SCHIP1: variants seen among roughly 807,000 people sequenced by gnomAD.
SCHIP1 encodes schwannomin interacting protein 1, also known as schwannomin-interacting protein 1.
A neutral mutation model predicts 29.7 loss-of-function variants in SCHIP1; 8 were observed. That is an observed-to-expected ratio of 0.27 (90% CI 0.16 to 0.49). The LOEUF (loss-of-function observed/expected upper bound fraction) is 0.49. Ranked by LOEUF, SCHIP1 falls within the 20% of genes least tolerant of loss-of-function variation. The probability of loss-of-function intolerance (pLI) is 0.99; values close to 1 mark genes in which losing one functional copy is unlikely to be tolerated. For synonymous variants in SCHIP1, 76 were observed against 94.9 expected (o/e 0.80, Z 1.16); for missense variants, 193 against 294.6 (o/e 0.66, Z 2.52).
the SCHIP1 span, chr3:159,721,925 G>T: frequency 2.4e-6 from 1 of 424,118 alleles, no homozygotes. Flanking sequence ...AAACACAAAT[G>T]TTTTCTTGAA....
intron 1 of SCHIP1, chr3:159,853,083 A>T: frequency 3.5e-6 from 1 of 282,730 alleles, no homozygotes; most frequent in Non-Finnish European, 6.6e-6. Flanking sequence ...GGGATCATTC[A>T]GGGGAAGGTG....
the SCHIP1 span, among the ~76,000 whole-genome samples, chr3:159,423,760 G>C: frequency 0.39 from 59,175 of 151,848 alleles, 12,486 homozygotes; most frequent in Non-Finnish European, 0.48. Context: ...GCCTCCTCAA[G>C]TGGGTCCCTG....
At chr3:159,505,115 G>T in the SCHIP1 span, among the ~76,000 whole-genome samples, 1 of 152,208 alleles carries the variant, frequency 6.6e-6, no homozygotes, top group African/African-American at 2.4e-5. Context: ...CTGGGGTTCA[G>T]ACAGCCAGAT....
At chr3:159,869,103 C>G (rs1436377161) in intron 2 of SCHIP1, among the ~76,000 whole-genome samples, 1 of 151,982 alleles carries the variant, frequency 6.6e-6, no homozygotes, top group Non-Finnish European at 1.5e-5. Flanking sequence ...TTATGCTTTT[C>G]TCATCAACTT....
the SCHIP1 span, among the ~76,000 whole-genome samples, chr3:159,443,275 G>A: frequency 2.8e-4 from 42 of 152,284 alleles, no homozygotes; most frequent in African/African-American, 9.9e-4. Flanking sequence ...TCTATCTTCA[G>A]CTGAGATTCT....
chr3:159,683,359 T>G, the SCHIP1 span, among the ~76,000 whole-genome samples: 1 of 152,204 alleles, frequency 6.6e-6, no homozygotes, highest in African/African-American at 2.4e-5. Flanking sequence ...CCCAGGAATC[T>G]GCATTTTAAA....
At chr3:159,590,567 C>T in the SCHIP1 span, among the ~76,000 whole-genome samples, 21 of 143,598 alleles carry the variant, frequency 1.5e-4, no homozygotes, top group African/African-American at 6.0e-4. Context: ...CAAAGCGAGA[C>T]ACCATCTTGA....
At chr3:159,550,699 C>T in the SCHIP1 span, among the ~76,000 whole-genome samples, 1 of 151,972 alleles carries the variant, frequency 6.6e-6, no homozygotes, top group Non-Finnish European at 1.5e-5. Context: ...GATTGGCATA[C>T]TAAGGCAAAA....
chr3:159,560,595 A>T, the SCHIP1 span, among the ~76,000 whole-genome samples: 1 of 151,636 alleles, frequency 6.6e-6, no homozygotes, highest in South Asian at 2.1e-4. Context: ...GCCCCTCCCC[A>T]TGTCTCTTTT....
the SCHIP1 span, among the ~76,000 whole-genome samples, chr3:159,730,409 C>T: frequency 6.6e-6 from 1 of 152,276 alleles, no homozygotes; most frequent in South Asian, 2.1e-4. Context: ...CTGCATAAAG[C>T]TTTTAGAGCA....
At chr3:159,687,803 A>G in the SCHIP1 span, among the ~76,000 whole-genome samples, 2 of 152,058 alleles carry the variant, frequency 1.3e-5, no homozygotes, top group Admixed American at 1.3e-4. Flanking sequence ...TCCTGTGCCC[A>G]TATGTCCTCA....
chr3:159,423,108 T>C, the SCHIP1 span, among the ~76,000 whole-genome samples: 3 of 152,230 alleles, frequency 2.0e-5, no homozygotes, highest in Non-Finnish European at 4.4e-5. Context: ...AGCTCCAGTC[T>C]ACAGCTCCCA....
chr3:159,621,858 G>C, the SCHIP1 span, among the ~76,000 whole-genome samples: 12 of 152,202 alleles, frequency 7.9e-5, no homozygotes, highest in African/African-American at 2.9e-4. Flanking sequence ...TAGAGACGGG[G>C]TTTCACCAGG....
chr3:159,811,934 T>A, the SCHIP1 span, among the ~76,000 whole-genome samples: 851 of 151,956 alleles, frequency 5.6e-3, 14 homozygotes, highest in Non-Finnish European at 6.6e-3. Context: ...TTTCTTCTTA[T>A]AATTTCTCTT....
At chr3:159,397,579 T>TGTGTGAG in the SCHIP1 span, among the ~76,000 whole-genome samples, 2 of 152,042 alleles carry the variant, frequency 1.3e-5, no homozygotes, top group Non-Finnish European at 2.9e-5. Context: ...AGTACCCTGC[T>TGTGTGAG]GTGTGAGGTG....
At chr3:159,834,104 C>T in the SCHIP1 span, among the ~76,000 whole-genome samples, 1 of 152,182 alleles carries the variant, frequency 6.6e-6, no homozygotes, top group East Asian at 1.9e-4. Context: ...AGCTGTTTTA[C>T]ATTACTCCCA....
chr3:159,445,569 C>A, the SCHIP1 span, among the ~76,000 whole-genome samples: 3 of 152,110 alleles, frequency 2.0e-5, no homozygotes, highest in African/African-American at 7.2e-5. Context: ...TATAAAGACA[C>A]ATGTACACGT....
chr3:159,364,270 T>G, the SCHIP1 span, among the ~76,000 whole-genome samples: 1 of 152,236 alleles, frequency 6.6e-6, no homozygotes, highest in Non-Finnish European at 1.5e-5. Flanking sequence ...ATGAGAATGT[T>G]ACTTTTAGAA....
the SCHIP1 span, among the ~76,000 whole-genome samples, chr3:159,441,644 A>G: frequency 1.3e-5 from 2 of 152,078 alleles, no homozygotes; most frequent in African/African-American, 4.8e-5. Context: ...TAAGTTATAG[A>G]CCCTGGCTTT....
Sources: allele counts gnomAD v4.1 joint callset (sites outside exome capture counted in the v4.1 genomes callset), GRCh38; gene constraint gnomAD v4.1.1; transcripts MANE v1.5; gene names NCBI Gene and HGNC (gene_info 2026-07-23, HGNC 2026-07-21).